SMPX: variants seen among roughly 807,000 people sequenced by gnomAD.
SMPX encodes the protein small muscular protein.
SMPX carries 2 observed loss-of-function variants against 6.3 expected under a neutral mutation model. The ratio of observed to expected loss-of-function variants is 0.32; its 90% confidence interval spans 0.13 to 0.99. SMPX has a LOEUF of 0.99. SMPX is among the 50% of genes least tolerant of loss of function. SMPX has a pLI of 0.49. For missense variants in SMPX, 60 were observed against 66.8 expected (o/e 0.90, Z 0.36); for synonymous variants, 32 against 24.7 (o/e 1.30, Z -0.88).
chrX:21,736,247 C>T (rs2092810303), intron 4 of SMPX, among the ~76,000 whole-genome samples: 1 of 112,163 alleles, frequency 8.9e-6, no homozygotes, highest in Non-Finnish European at 1.9e-5. Flanking sequence ...CATTCTGTTC[C>T]TCATTCTGTC....
At chrX:21,757,453 C>T (rs1030410226) in intron 1 of SMPX, among the ~76,000 whole-genome samples, 8 of 111,574 alleles carry the variant, frequency 7.2e-5, no homozygotes, top group Non-Finnish European at 1.1e-4. Context: ...ATTGATAGAA[C>T]GTTATCATTG....
At chrX:21,709,956 C>T (rs915470286) in intron 4 of SMPX, among the ~76,000 whole-genome samples, 1 of 111,663 alleles carries the variant, frequency 9.0e-6, no homozygotes, top group African/African-American at 3.3e-5. Flanking sequence ...TGAGAAGCAC[C>T]ATCTGCAACC....
chrX:21,712,214 C>A (rs778853890), intron 4 of SMPX, among the ~76,000 whole-genome samples: 2 of 112,240 alleles, frequency 1.8e-5, no homozygotes, highest in South Asian at 7.4e-4. Context: ...TGTGAAACAT[C>A]CACCAAAGTT....
chrX:21,747,900 C>G (rs763323923), intron 2 of SMPX, among the ~76,000 whole-genome samples: 3 of 111,703 alleles, frequency 2.7e-5, no homozygotes, highest in Non-Finnish European at 5.6e-5. Flanking sequence ...ATAGCCTCCC[C>G]CATGCCATTC....
chrX:21,714,667 C>T (rs151247764), intron 4 of SMPX, among the ~76,000 whole-genome samples: 1,430 of 111,979 alleles, frequency 0.013, 16 homozygotes, highest in African/African-American at 0.043. Flanking sequence ...TGAGATTGTG[C>T]ATATGTCTTT....
At chrX:21,735,220 A>G (rs1462997819) in intron 4 of SMPX, among the ~76,000 whole-genome samples, 1 of 112,271 alleles carries the variant, frequency 8.9e-6, no homozygotes, top group Non-Finnish European at 1.9e-5. Flanking sequence ...TGACTACTGA[A>G]GTCTCGAAAT....
At chrX:21,706,786 TAGTG>T (rs760631663) in intron 4 of SMPX, among the ~76,000 whole-genome samples, 99 of 110,120 alleles carry the variant, frequency 9.0e-4, no homozygotes, top group Middle Eastern at 4.7e-3. Context: ...ATTCTCATGA[TAGTG>T]AGTGAGTTCT....
At chrX:21,724,574 T>A (rs2092795056) in intron 4 of SMPX, among the ~76,000 whole-genome samples, 1 of 112,366 alleles carries the variant, frequency 8.9e-6, no homozygotes, top group Non-Finnish European at 1.9e-5. Flanking sequence ...GCAGAGCCAT[T>A]ATCTGTTCAA....
intron 4 of SMPX, among the ~76,000 whole-genome samples, chrX:21,712,468 CTATTG>C (rs1277838004): frequency 1.8e-5 from 2 of 111,058 alleles, no homozygotes; most frequent in African/African-American, 6.6e-5. Flanking sequence ...TTTATTAATC[CTATTG>C]TATTGAGAGT....
intron 3 of SMPX, among the ~76,000 whole-genome samples, chrX:21,738,902 T>G (rs191878298): frequency 1.0e-3 from 115 of 111,145 alleles, no homozygotes; most frequent in Non-Finnish European, 1.9e-3. Flanking sequence ...TCCCTCCCAT[T>G]TTTCCTTACA....
intron 4 of SMPX, among the ~76,000 whole-genome samples, chrX:21,726,093 G>A (rs769498644): frequency 8.9e-6 from 1 of 111,869 alleles, no homozygotes; most frequent in African/African-American, 3.3e-5. Flanking sequence ...CCTATTTATA[G>A]ATGTGGCTCA....
chrX:21,748,474 G>A (rs2092823862), intron 2 of SMPX, among the ~76,000 whole-genome samples: 2 of 111,817 alleles, frequency 1.8e-5, no homozygotes, highest in South Asian at 3.7e-4. Context: ...TCAGTCGGGG[G>A]CAGGTTGTAT....
rs1271821934 is a variant in SMPX at position 21,731,561 on chromosome X, AT to A, written c.*14+5987del. Among the ~76,000 whole-genome samples, 45 of 69,232 alleles carry A rather than the reference AT, an allele frequency of 6.5e-4. 1 individual carries two copies. The highest frequency in any genetic ancestry group is 2.3e-3 in the East Asian group (3 of 1,323). 60.1% of individuals were successfully genotyped at this position (69,232 alleles called of 115,157 possible). A position where few individuals can be genotyped will look rare whatever the true frequency, so the allele number is the denominator to read the frequency against. On this transcript the variant is annotated intron_variant, in intron 4 of 4. Transcript: ENST00000379494. ...TATGTGTGTATGTGTATATATACAC[AT>A]TATGTGTATATGTGTATATGTGTAT...
chrX:21,727,984 G>A (rs1434440498), intron 4 of SMPX, among the ~76,000 whole-genome samples: 1 of 111,750 alleles, frequency 8.9e-6, no homozygotes, highest in African/African-American at 3.3e-5. Flanking sequence ...GAGAGGGAAT[G>A]AGCGAAAAGG....
intron 3 of SMPX, among the ~76,000 whole-genome samples, chrX:21,739,093 C>T (rs746656943): frequency 4.6e-4 from 51 of 110,416 alleles, no homozygotes; most frequent in Non-Finnish European, 8.1e-4. Context: ...TGCCCTATGC[C>T]CCGCCTCCAC....
At chrX:21,731,014 TTCCTC>T (rs1207003940) in intron 4 of SMPX, among the ~76,000 whole-genome samples, 1 of 111,546 alleles carries the variant, frequency 9.0e-6, no homozygotes, top group African/African-American at 3.3e-5. Context: ...ACTGTAAACT[TTCCTC>T]TAAGTACTGC....
At chrX:21,727,981 A>T (rs947761661) in intron 4 of SMPX, among the ~76,000 whole-genome samples, 1 of 111,685 alleles carries the variant, frequency 9.0e-6, no homozygotes, top group Non-Finnish European at 1.9e-5. Flanking sequence ...CGTGAGAGGG[A>T]ATGAGCGAAA....
intron 2 of SMPX, among the ~76,000 whole-genome samples, chrX:21,752,051 G>A (rs1169035662): frequency 1.8e-5 from 2 of 112,474 alleles, no homozygotes; most frequent in South Asian, 3.7e-4. Flanking sequence ...AAAATAGATC[G>A]AAAGAGGCAA....
At chrX:21,741,495 A>G (rs1483334683) in intron 3 of SMPX, among the ~76,000 whole-genome samples, 1 of 111,556 alleles carries the variant, frequency 9.0e-6, no homozygotes, top group Non-Finnish European at 1.9e-5. Context: ...GCTAATTGAC[A>G]AAATCCTACT....
Sources: allele counts gnomAD v4.1 joint callset (sites outside exome capture counted in the v4.1 genomes callset), GRCh38; gene constraint gnomAD v4.1.1; transcripts MANE v1.5; gene names NCBI Gene and HGNC (gene_info 2026-07-23, HGNC 2026-07-21).